The following ATG10 variants were observed in gnomAD, a reference collection of about 807,000 sequenced individuals.
ATG10 encodes ubiquitin-like-conjugating enzyme ATG10.
ATG10 carries 30 observed loss-of-function variants against 32.1 expected under a neutral mutation model. The ratio of observed to expected loss-of-function variants is 0.94; its 90% CI spans 0.70 to 1.27. ATG10 has a LOEUF of 1.27. ATG10 is among the 50% of genes most tolerant of loss of function. The pLI is 0.00. For synonymous variants in ATG10, 87 were observed against 91.5 expected, an observed-to-expected ratio of 0.95 and a Z score of 0.28; for missense variants, 233 against 262.3, an observed-to-expected ratio of 0.89 and a Z score of 0.77.
chr5:82,050,018 C>T (rs987270855), intron 2 of ATG10, among the ~76,000 whole-genome samples: 2 of 151,962 alleles, frequency 1.3e-5, no homozygotes, highest in Non-Finnish European at 2.9e-5. Context: ...TCTTTCCCTC[C>T]TTCTCCTCTG....
intron 3 of ATG10, among the ~76,000 whole-genome samples, chr5:82,137,508 A>C (rs955758770): frequency 2.0e-5 from 3 of 151,916 alleles, no homozygotes; most frequent in Non-Finnish European, 4.4e-5. Flanking sequence ...CTGAGGGTCC[A>C]CTCCATACCC....
chr5:82,242,308 G>A (rs929737048), intron 5 of ATG10, among the ~76,000 whole-genome samples: 1 of 152,064 alleles, frequency 6.6e-6, no homozygotes, highest in Non-Finnish European at 1.5e-5. Context: ...AGAAGAATCT[G>A]AAGAATTGTA....
intron 5 of ATG10, among the ~76,000 whole-genome samples, chr5:82,206,260 T>C (rs1035343697): frequency 5.9e-5 from 9 of 152,184 alleles, no homozygotes; most frequent in Non-Finnish European, 1.3e-4. Flanking sequence ...AATGCTAAAA[T>C]CTTGGAGAGA....
chr5:82,009,549 G>A (rs1762072322), intron 2 of ATG10: 2 of 1,492,556 alleles, frequency 1.3e-6, no homozygotes, highest in Non-Finnish European at 1.8e-6. Context: ...GCTCTCCTGA[G>A]CTACAGAAGG....
chr5:82,118,288 AGT>A (rs1765890525), intron 3 of ATG10, among the ~76,000 whole-genome samples: 1 of 144,958 alleles, frequency 6.9e-6, no homozygotes, highest in Non-Finnish European at 1.5e-5. Flanking sequence ...ACAAGAGCAG[AGT>A]GTCTTTCTTG....
intron 3 of ATG10, among the ~76,000 whole-genome samples, chr5:82,083,596 A>T (rs1260924810): frequency 2.6e-5 from 4 of 152,094 alleles, no homozygotes; most frequent in African/African-American, 4.8e-5. Context: ...GGGCCAACTG[A>T]CCCCTCATAC....
At chr5:82,217,317 A>G (rs1024509271) in intron 5 of ATG10, among the ~76,000 whole-genome samples, 2 of 152,162 alleles carry the variant, frequency 1.3e-5, no homozygotes, top group Admixed American at 1.3e-4. Flanking sequence ...GGTGATGGTG[A>G]TGATGACCAC....
rs1285570069 is a variant in ATG10, at chr5:81,987,648, A to G, written c.78A>G (p.Ile26Met). The G allele has an allele frequency of 1.2e-6, 2 of 1,612,214 alleles. No homozygotes were observed. Among genetic ancestry groups the G allele is most frequent in the Non-Finnish European group, 1.7e-6 (2 of 1,179,302 alleles). Residue 26 changes from isoleucine to methionine, a missense_variant, in exon 2 of 8, where the codon ATA becomes ATG. By Grantham distance (10) the Ile-to-Met change is conservative. Coordinates refer to ENST00000282185, the MANE Select transcript of ATG10 (RefSeq NM_031482.5). ...CAEFIKHSQQIGDSWEWRPSK... is the reference protein window; with the variant it reads ...CAEFIKHSQQMGDSWEWRPSK... Reference sequence around the variant, plus strand: ...AATTCATTAAACATTCACAACAGATAGGTGATAGTTGGGAATGGAGACCAT... The same window carrying G: ...AATTCATTAAACATTCACAACAGATGGGTGATAGTTGGGAATGGAGACCAT...
Position 82,100,000 on chromosome 5 carries a change from G to GTTT in ATG10, c.216+41422_216+41424dup, listed in dbSNP as rs869311526. On this transcript the variant is annotated intron_variant, in intron 3 of 7. Coordinates refer to ENST00000282185, the MANE Select transcript of ATG10 (RefSeq NM_031482.5). Reference sequence around the variant, plus strand: ...CTGATTTCTTTCTTTCTTTTTCTGTGTTTTTTTTTTTTTTTTTTTTTTTTT... The same window carrying GTTT: ...CTGATTTCTTTCTTTCTTTTTCTGTGTTTTTTTTTTTTTTTTTTTTTTTTTTTT... 9.6e-3 allele frequency among the ~76,000 whole-genome samples: 563 copies of GTTT among 58,942 alleles called. 156 individuals are homozygous for GTTT. Among genetic ancestry groups the GTTT allele is most frequent in the African/African-American group, 0.02 (281 of 14,028 alleles). 38.7% of individuals were successfully genotyped at this position (58,942 alleles called of 152,430 possible). A position where few individuals can be genotyped will look rare whatever the true frequency, so the allele number is the denominator to read the frequency against.
At chr5:82,142,360 G>A (rs561756712) in intron 3 of ATG10, among the ~76,000 whole-genome samples, 4 of 152,262 alleles carry the variant, frequency 2.6e-5, no homozygotes, top group African/African-American at 9.6e-5. Context: ...TCTAGTGGAG[G>A]CAGGGTTTGA....
At chr5:82,054,254 T>C (rs1286338505) in intron 2 of ATG10, among the ~76,000 whole-genome samples, 1 of 152,002 alleles carries the variant, frequency 6.6e-6, no homozygotes, top group Non-Finnish European at 1.5e-5. Flanking sequence ...ATGTAGTCAG[T>C]TTGCTGTCTC....
At chr5:82,089,561 C>A (rs1408345230) in intron 3 of ATG10, among the ~76,000 whole-genome samples, 1 of 152,116 alleles carries the variant, frequency 6.6e-6, no homozygotes, top group Non-Finnish European at 1.5e-5. Context: ...AACAAACATA[C>A]CCTGACCTCA....
chr5:82,063,604 C>T (rs949139832), intron 3 of ATG10, among the ~76,000 whole-genome samples: 15 of 151,752 alleles, frequency 9.9e-5, no homozygotes, highest in Non-Finnish European at 1.6e-4. Flanking sequence ...GTGATTCTCC[C>T]GCCTCAGCCT....
chr5:82,008,972 TG>T (rs746599331), intron 2 of ATG10, among the ~76,000 whole-genome samples: 9 of 152,378 alleles, frequency 5.9e-5, no homozygotes, highest in Non-Finnish European at 8.8e-5. Flanking sequence ...AGCTCATTTT[TG>T]TTTTGTAGGT....
At chr5:82,215,753 T>C (rs980051059) in intron 5 of ATG10, among the ~76,000 whole-genome samples, 4 of 151,894 alleles carry the variant, frequency 2.6e-5, no homozygotes, top group Non-Finnish European at 5.9e-5. Context: ...CTGGCCAACA[T>C]GGTGAAACCC....
At chr5:82,231,053 T>C (rs1344956005) in intron 5 of ATG10, among the ~76,000 whole-genome samples, 2 of 152,194 alleles carry the variant, frequency 1.3e-5, no homozygotes, top group African/African-American at 4.8e-5. Context: ...TGAGTGTTGC[T>C]GGCCTGAAGA....
chr5:81,986,656 A>T (rs1761282929), intron 1 of ATG10, among the ~76,000 whole-genome samples: 1 of 152,094 alleles, frequency 6.6e-6, no homozygotes, highest in Admixed American at 6.6e-5. Context: ...AGGGGTTTAA[A>T]ATCCTTGCAG....
chr5:82,164,777 G>T (rs1194100663), intron 4 of ATG10, among the ~76,000 whole-genome samples: 1 of 152,186 alleles, frequency 6.6e-6, no homozygotes, highest in Non-Finnish European at 1.5e-5. Flanking sequence ...TTTGCCTGAA[G>T]TTGACTAAGC....
chr5:82,083,058 G>GGTT (rs200687392), intron 3 of ATG10, among the ~76,000 whole-genome samples: 1 of 152,210 alleles, frequency 6.6e-6, no homozygotes, highest in East Asian at 1.9e-4. Context: ...AAGCACAAGG[G>GGTT]GTTGGGGAAT....
Sources: allele counts gnomAD v4.1 joint callset (sites outside exome capture counted in the v4.1 genomes callset), GRCh38; gene constraint gnomAD v4.1.1; transcripts MANE v1.5; gene names NCBI Gene and HGNC (gene_info 2026-07-23, HGNC 2026-07-21).